The following ABI3BP variants were observed in gnomAD, a reference collection of about 807,000 sequenced individuals.
ABI3BP encodes target of Nesh-SH3.
Under a neutral mutation model 268.6 loss-of-function variants are expected in ABI3BP, and 216 were observed. That is an observed-to-expected ratio of 0.80 (90% CI 0.72 to 0.90). The LOEUF is 0.90. ABI3BP is among the 40% of genes least tolerant of loss of function. The pLI is 0.00. For missense variants in ABI3BP, 2,090 were observed against 2,182.4 expected, an observed-to-expected ratio of 0.96 and a Z score of 0.84; for synonymous variants, 730 against 730.0, an observed-to-expected ratio of 1.00 and a Z score of 0.00.
rs1020363460 is a variant in ABI3BP at position 100,967,559 on chromosome 3, G to A, written c.79+25747C>T. On this transcript the variant is annotated intron_variant, in intron 1 of 67. Coordinates refer to ENST00000471714, the MANE Select transcript of ABI3BP (RefSeq NM_001375547.2). Reference sequence around the variant, plus strand: ...AGATTGATGATGCTTCAGACATGTCGGGCCTCTCAACCTTTTGGAGCACCA... The same window carrying A: ...AGATTGATGATGCTTCAGACATGTCAGGCCTCTCAACCTTTTGGAGCACCA... Among the ~76,000 whole-genome samples, 5 of 151,282 alleles carry A rather than the reference G, an allele frequency of 3.3e-5. No homozygotes were observed. In the East Asian group the frequency reaches 5.8e-4, roughly 18 times the overall value.
intron 2 of ABI3BP, among the ~76,000 whole-genome samples, chr3:100,908,904 C>T (rs2054857354): frequency 6.6e-6 from 1 of 152,186 alleles, no homozygotes; most frequent in Non-Finnish European, 1.5e-5. Context: ...TTGGAAAAAA[C>T]TACTTTCAAT....
chr3:100,886,005 G>C, intron 5 of ABI3BP, 137 bp downstream of exon 5: 1 of 595,934 alleles, frequency 1.7e-6, no homozygotes, highest in Non-Finnish European at 2.6e-6. Context: ...TATCTTCTTT[G>C]CTTCTATATT....
In ABI3BP at chr3:100,906,106, GTC is replaced by G. The variant is rs1279136570; in HGVS notation, c.260-3422_260-3421del. On this transcript the variant is annotated intron_variant, in intron 2 of 67. Transcript: ENST00000471714. ...CCTAAATTGTTCTCACTCTAGCAGA[GTC>G]TCTTAGAGTTAACCTTTTAGATTCT... is the stretch of plus-strand genomic sequence containing the variant. Among the ~76,000 whole-genome samples, 7 of 152,246 alleles carry G rather than the reference GTC, an allele frequency of 4.6e-5. No homozygotes were observed. In the East Asian group the frequency reaches 1.4e-3, roughly 29 times the overall value.
chr3:100,938,009 G>A (rs2067046429), intron 1 of ABI3BP, among the ~76,000 whole-genome samples: 1 of 152,006 alleles, frequency 6.6e-6, no homozygotes, highest in Non-Finnish European at 1.5e-5. Flanking sequence ...CATAGATGGA[G>A]CTGGAGGCCA....
At chr3:100,750,880 A>G (rs1330716855) in intron 67 of ABI3BP, among the ~76,000 whole-genome samples, 1 of 152,174 alleles carries the variant, frequency 6.6e-6, no homozygotes, top group Non-Finnish European at 1.5e-5. Flanking sequence ...ATGTGTTCAA[A>G]GAACTTAGTA....
At chr3:100,853,561 C>G (rs1580588675) in intron 14 of ABI3BP, among the ~76,000 whole-genome samples, 1 of 152,146 alleles carries the variant, frequency 6.6e-6, no homozygotes, top group Admixed American at 6.5e-5. Flanking sequence ...TCATGACTGT[C>G]TTTGTTATCC....
At chr3:100,811,179 G>A in intron 48 of ABI3BP, 51 bp downstream of exon 48, 2 of 1,440,266 alleles carry the variant, frequency 1.4e-6, no homozygotes, top group Non-Finnish European at 1.9e-6. Context: ...CTCAGGCGAT[G>A]GTGGCAATGA....
At chr3:100,930,370 A>T (rs528720156) in intron 1 of ABI3BP, among the ~76,000 whole-genome samples, 39 of 152,152 alleles carry the variant, frequency 2.6e-4, no homozygotes, top group African/African-American at 8.9e-4. Flanking sequence ...TAGACAAAAA[A>T]TTGCATATTT....
In ABI3BP at chr3:100,948,238, G is replaced by A. The variant is rs533415350; in HGVS notation, c.80-21757C>T. 3.9e-5 allele frequency among the ~76,000 whole-genome samples: 6 copies of A among 152,210 alleles called. No homozygotes were observed. In the South Asian group the frequency reaches 1.2e-3, roughly 32 times the overall value. On this transcript the variant is annotated intron_variant, in intron 1 of 67. Coordinates refer to ENST00000471714, the MANE Select transcript of ABI3BP (RefSeq NM_001375547.2). ...CACACAAGCCAAACTTCTGAGAAAT[G>A]AATAATACAAAATTCAAATCTTAGA...
At chr3:100,943,534 AT>A (rs1405725901) in intron 1 of ABI3BP, among the ~76,000 whole-genome samples, 1 of 151,974 alleles carries the variant, frequency 6.6e-6, no homozygotes, top group African/African-American at 2.4e-5. Flanking sequence ...AACCCAGAAA[AT>A]TTCCTCATGC....
At position 100,750,456 on chromosome 3, in the gene ABI3BP, G is replaced by T. The variant is rs1217745310; in HGVS notation, c.*39C>A. On this transcript the variant is annotated 3_prime_UTR_variant, in exon 68 of 68. Coordinates refer to ENST00000471714, the MANE Select transcript of ABI3BP (RefSeq NM_001375547.2). ...CGGCATAGTATTTTCAATGATTTTTGTTTGCAATGATGAAACAGAAGGTAA... is the reference window on the plus strand; with the variant it reads ...CGGCATAGTATTTTCAATGATTTTTTTTTGCAATGATGAAACAGAAGGTAA... The T allele has an allele frequency of 6.7e-7, 1 of 1,483,330 alleles. No individual in the cohort carries two copies. The highest frequency in any genetic ancestry group is 1.2e-5 in the South Asian group (1 of 86,656). The allele number at this position is 1,483,330 out of a possible 1,614,324, so 91.9% of individuals were successfully genotyped here.
intron 1 of ABI3BP, among the ~76,000 whole-genome samples, chr3:100,948,306 G>T (rs1167346311): frequency 6.6e-6 from 1 of 152,096 alleles, no homozygotes; most frequent in Non-Finnish European, 1.5e-5. Context: ...TGCCTCACAA[G>T]TTCTTAGCAA....
intron 3 of ABI3BP, among the ~76,000 whole-genome samples, chr3:100,900,352 A>G (rs2049692474): frequency 6.6e-6 from 1 of 152,192 alleles, no homozygotes; most frequent in Non-Finnish European, 1.5e-5. Flanking sequence ...ATTTTCACTA[A>G]CGTGATGCAA....
Position 100,778,368 on chromosome 3 carries a change from G to A in ABI3BP, c.4249C>T (p.Arg1417Cys), listed in dbSNP as rs754669006. Reference protein sequence around the residue: ...THPTKKPGTRRPPLPPRPTHP... With the variant: ...THPTKKPGTRCPPLPPRPTHP... The stretch of plus-strand genomic sequence containing the variant: ...GTAGGTCTGGGTGGCAAGGGTGGGC[G>A]GCGAGTCCCTGGGATTGTGGATAAG... The change falls in exon 59 of 68, where the codon CGC becomes TGC. Residue 1417 changes from arginine to cysteine, a missense_variant. Physicochemically the swap from Arg to Cys is radical, Grantham distance 180 (BLOSUM62 -3). Coordinates refer to ENST00000471714, the MANE Select transcript of ABI3BP (RefSeq NM_001375547.2). 1.6e-5 allele frequency: 25 copies of A among 1,588,638 alleles called. No individual in the cohort carries two copies. Among genetic ancestry groups the A allele is most frequent in the Middle Eastern group, 3.3e-4 (2 of 6,002 alleles).
intron 6 of ABI3BP, among the ~76,000 whole-genome samples, chr3:100,883,679 C>A (rs9864463): frequency 0.02 from 3,032 of 152,008 alleles, 84 homozygotes; most frequent in African/African-American, 0.069. Flanking sequence ...ACATTGCTGG[C>A]GAGTTTATAA....
chr3:100,829,162 A>T (rs971389554), intron 33 of ABI3BP, among the ~76,000 whole-genome samples: 2 of 151,884 alleles, frequency 1.3e-5, no homozygotes, highest in African/African-American at 4.8e-5. Context: ...AAGAAGAAGA[A>T]GAAGAAGAAA....
At chr3:100,772,646 A>G (rs1039700928) in intron 61 of ABI3BP, among the ~76,000 whole-genome samples, 3 of 152,192 alleles carry the variant, frequency 2.0e-5, no homozygotes, top group African/African-American at 7.2e-5. Context: ...ATCGTAACAT[A>G]CTCAACCTAA....
chr3:100,754,521 G>GT, intron 64 of ABI3BP, 91 bp downstream of exon 64: 1 of 1,242,040 alleles, frequency 8.1e-7, no homozygotes, highest in Non-Finnish European at 1.2e-6. Context: ...AACAGTACAT[G>GT]TAGTGGGTTT....
chr3:100,986,141 A>G (rs2091685663), intron 1 of ABI3BP, among the ~76,000 whole-genome samples: 2 of 152,208 alleles, frequency 1.3e-5, no homozygotes, highest in Non-Finnish European at 2.9e-5. Flanking sequence ...GCAAGTGGCC[A>G]TAATAGAAAG....
Sources: gnomAD v4.1 joint callset for allele counts (sites outside exome capture counted in the v4.1 genomes callset) on GRCh38, gnomAD v4.1.1 for gene constraint, MANE v1.5 for transcripts, NCBI Gene and HGNC (gene_info 2026-07-23, HGNC 2026-07-21) for gene names.